HTT: variants seen among roughly 807,000 people sequenced by gnomAD.
The protein encoded by HTT is huntingtin.
Under a neutral mutation model 362.3 loss-of-function variants are expected in HTT, and 104 were observed. The observed-to-expected ratio is 0.29, with a 90% CI of 0.24 to 0.34. The LOEUF is 0.34. HTT is among the 10% of genes least tolerant of loss of function. The probability of loss-of-function intolerance (pLI) is 1.00; values close to 1 mark genes in which losing one functional copy is unlikely to be tolerated. For missense variants in HTT, 3,301 were observed against 3,928.6 expected, an observed-to-expected ratio of 0.84 and a Z score of 4.27; for synonymous variants, 1,577 against 1,548.7, an observed-to-expected ratio of 1.02 and a Z score of -0.43.
At chr4:3,097,803 G>T (rs533567218) in intron 2 of HTT, among the ~76,000 whole-genome samples, 1 of 152,170 alleles carries the variant, frequency 6.6e-6, no homozygotes, top group East Asian at 1.9e-4. Context: ...CTATTTTATT[G>T]AATTTAAATG....
chr4:3,094,645 ACGGGGCGGGTGGCCGGG>A (rs1229742462), intron 2 of HTT, among the ~76,000 whole-genome samples: 4 of 110,532 alleles, frequency 3.6e-5, no homozygotes, highest in African/African-American at 1.8e-4. Flanking sequence ...CACCTCCCGG[ACGGGGCGGGTGGCCGGG>A]CGGGGGCTGC....
At chr4:3,197,584 T>G (rs1719311853) in intron 40 of HTT, among the ~76,000 whole-genome samples, 1 of 152,122 alleles carries the variant, frequency 6.6e-6, no homozygotes, top group South Asian at 2.1e-4. Flanking sequence ...ACTTCCTCCA[T>G]GCCTTGTGCA....
intron 2 of HTT, among the ~76,000 whole-genome samples, chr4:3,089,595 C>T (rs1713396768): frequency 6.6e-6 from 1 of 152,170 alleles, no homozygotes; most frequent in Non-Finnish European, 1.5e-5. Flanking sequence ...ACTTGGCAAA[C>T]ATTTGGTCAT....
At chr4:3,132,428 A>G in intron 16 of HTT, 134 bp from the exon 17 acceptor site, 3 of 690,460 alleles carry the variant, frequency 4.3e-6, no homozygotes. Flanking sequence ...TAGGGTTATT[A>G]TAGTGAAGTC....
chr4:3,227,219 TGCCCTGTCTGGGGCTG>T, intron 57 of HTT, among the ~76,000 whole-genome samples: 1 of 146,608 alleles, frequency 6.8e-6, no homozygotes, highest in East Asian at 1.9e-4. Context: ...GTCCCACCCC[TGCCCTGTCTGGGGCTG>T]AAGTACAGTG....
At chr4:3,094,402 C>CA (rs1378464268) in intron 2 of HTT, among the ~76,000 whole-genome samples, 1 of 152,194 alleles carries the variant, frequency 6.6e-6, no homozygotes, top group Non-Finnish European at 1.5e-5. Flanking sequence ...CCACCGTCAT[C>CA]ATGGACTGTT....
At chr4:3,143,928 GT>G (rs1330153390) in intron 23 of HTT, among the ~76,000 whole-genome samples, 10 of 152,130 alleles carry the variant, frequency 6.6e-5, no homozygotes, top group African/African-American at 2.4e-4. Flanking sequence ...AAGAATTTAT[GT>G]TGCTGACATT....
chr4:3,097,254 G>A (rs1713900215), intron 2 of HTT, among the ~76,000 whole-genome samples: 1 of 152,194 alleles, frequency 6.6e-6, no homozygotes, highest in South Asian at 2.1e-4. Context: ...AATTGGTAAA[G>A]CTGATAGGAA....
intron 39 of HTT, 109 bp from the exon 40 acceptor site, chr4:3,188,842 C>G (rs761467901): frequency 1.9e-6 from 2 of 1,078,646 alleles, no homozygotes; most frequent in Non-Finnish European, 2.7e-6. Flanking sequence ...TTAATGTACT[C>G]TACCTATATT....
intron 42 of HTT, among the ~76,000 whole-genome samples, chr4:3,205,029 C>A (rs912114685): frequency 2.2e-4 from 33 of 151,992 alleles, no homozygotes; most frequent in Admixed American, 6.6e-4. Context: ...GTTAGATGTT[C>A]TTTGTCACAT....
chr4:3,084,017 A>T (rs1713064576), intron 1 of HTT, among the ~76,000 whole-genome samples: 1 of 152,192 alleles, frequency 6.6e-6, no homozygotes, highest in Non-Finnish European at 1.5e-5. Flanking sequence ...TACATACTGT[A>T]TGATTCTATG....
At chr4:3,151,331 C>T (rs959573530) in intron 26 of HTT, among the ~76,000 whole-genome samples, 2 of 151,152 alleles carry the variant, frequency 1.3e-5, no homozygotes, top group Admixed American at 1.3e-4. Flanking sequence ...CTTCACATGG[C>T]CCACAGGAAA....
intron 9 of HTT, 120 bp from the exon 10 acceptor site, chr4:3,122,769 G>T: frequency 1.4e-6 from 1 of 728,368 alleles, no homozygotes; most frequent in Non-Finnish European, 2.3e-6. Flanking sequence ...AGTGTTTCCT[G>T]TGGAAAAACG....
At chr4:3,105,468 TC>T in intron 5 of HTT, 32 bp downstream of exon 5, 1 of 1,407,342 alleles carries the variant, frequency 7.1e-7, no homozygotes, top group Non-Finnish European at 1.0e-6. Flanking sequence ...TTGGTTTTTG[TC>T]GGGGGCCAGC....
At chr4:3,092,231 C>T (rs1390898430) in intron 2 of HTT, among the ~76,000 whole-genome samples, 1 of 152,058 alleles carries the variant, frequency 6.6e-6, no homozygotes, top group Non-Finnish European at 1.5e-5. Flanking sequence ...ACTGTGTTGG[C>T]CAGACTGGTC....
rs1363942893 is a variant in HTT, at chr4:3,210,837, G to A, written c.6414+888G>A. Among the ~76,000 whole-genome samples the A allele has an allele frequency of 7.2e-5, 11 of 151,858 alleles. No homozygotes were observed. The South Asian group carries it at 1.0e-3, about 14-fold the overall frequency. On this transcript the variant is annotated intron_variant, in intron 47 of 66. Transcript: ENST00000355072. ...GGGCAACACAACAGTGTGTTCTGAT[G>A]TACTGAAGAGCTCAACTGAAAACAA...
chr4:3,142,782 A>T lies in HTT; in HGVS notation c.2962A>T (p.Asn988Tyr). Residue 988 changes from asparagine to tyrosine, a missense_variant, in exon 23 of 67, where the codon AAC becomes TAC. By Grantham distance (143) the Asn-to-Tyr change is moderately radical. Around this residue, in one of 4 missense-constraint regions of HTT, gnomAD observed 2,316 missense variants for 2,658.5 expected, o/e 0.87. Coordinates refer to ENST00000355072, the MANE Select transcript of HTT (RefSeq NM_001388492.1). ...TGTTATTAGAATATATAGAGGCTAT[A>T]ACCTACTACCAAGCATAACAGACGT... is the stretch of plus-strand genomic sequence containing the variant. ...STITRIYRGYNLLPSITDVTM... is the reference protein window; with the variant it reads ...STITRIYRGYYLLPSITDVTM... 2 of 1,523,460 alleles carry T rather than the reference A, an allele frequency of 1.3e-6. No individual in the cohort carries two copies. Among genetic ancestry groups the T allele is most frequent in the Non-Finnish European group, 1.8e-6 (2 of 1,097,598 alleles). 94.4% of individuals were successfully genotyped at this position (1,523,460 alleles called of 1,614,324 possible).
intron 46 of HTT, among the ~76,000 whole-genome samples, chr4:3,209,617 G>A (rs1211087068): frequency 6.6e-6 from 1 of 152,154 alleles, no homozygotes; most frequent in Non-Finnish European, 1.5e-5. Context: ...AGGTGAAGGG[G>A]GAGGCTGTGA....
At chr4:3,192,189 C>T (rs1719043643) in intron 40 of HTT, among the ~76,000 whole-genome samples, 1 of 152,188 alleles carries the variant, frequency 6.6e-6, no homozygotes, top group African/African-American at 2.4e-5. Flanking sequence ...TTCTTCCTGC[C>T]TCAGCCTTCT....
Sources: gnomAD v4.1 joint callset for allele counts (sites outside exome capture counted in the v4.1 genomes callset) on GRCh38, gnomAD v4.1.1 for gene constraint, gnomAD v4.1.1 regional missense constraint, MANE v1.5 for transcripts, NCBI Gene and HGNC (gene_info 2026-07-23, HGNC 2026-07-21) for gene names.